Variants in NRG3 observed in about 807,000 individuals in gnomAD.
NRG3 encodes the protein neuregulin 3, also known as pro-neuregulin-3, membrane-bound isoform.
In NRG3, 31 loss-of-function variants were observed where a neutral mutation model predicts 66.9. That is an observed-to-expected ratio of 0.46 (90% CI 0.35 to 0.63). The LOEUF (loss-of-function observed/expected upper bound fraction) is 0.63, where lower values mean the gene tolerates loss of function less well. NRG3 is among the 20% of genes least tolerant of loss of function. The pLI is 0.00. For synonymous variants in NRG3, 393 were observed against 359.4 expected (o/e 1.09, Z -1.06); for missense variants, 910 against 878.9 (o/e 1.04, Z -0.45).
intron 2 of NRG3, among the ~76,000 whole-genome samples, chr10:82,575,928 G>C (rs532667965): frequency 9.7e-4 from 147 of 151,786 alleles, no homozygotes; most frequent in African/African-American, 3.5e-3. Context: ...ATGGATTTCT[G>C]GGTCTCCGTA....
intron 1 of NRG3, among the ~76,000 whole-genome samples, chr10:82,008,566 G>A (rs1002395874): frequency 1.3e-5 from 2 of 152,130 alleles, no homozygotes; most frequent in African/African-American, 4.8e-5. Flanking sequence ...CAAGGGGAGG[G>A]CAATGGATGT....
At chr10:81,999,088 C>T (rs1564725254) in intron 1 of NRG3, among the ~76,000 whole-genome samples, 1 of 152,208 alleles carries the variant, frequency 6.6e-6, no homozygotes, top group Non-Finnish European at 1.5e-5. Context: ...TAGGCGTGAG[C>T]CACGGTGCCT....
intron 2 of NRG3, among the ~76,000 whole-genome samples, chr10:82,642,860 A>G (rs2050676585): frequency 6.6e-6 from 1 of 151,978 alleles, no homozygotes; most frequent in Non-Finnish European, 1.5e-5. Context: ...AGGTGAAATA[A>G]TAGTGTGTTT....
chr10:82,601,904 C>CTA (rs897814420), intron 2 of NRG3, among the ~76,000 whole-genome samples: 10 of 144,432 alleles, frequency 6.9e-5, no homozygotes, highest in Admixed American at 2.1e-4. Flanking sequence ...ATATATATAA[C>CTA]TATATATATA....
intron 1 of NRG3, among the ~76,000 whole-genome samples, chr10:82,302,454 C>T (rs1364341315): frequency 1.3e-5 from 2 of 151,946 alleles, no homozygotes; most frequent in African/African-American, 4.8e-5. Flanking sequence ...TAATAGTATA[C>T]TTTGTATAAA....
At chr10:82,272,231 A>T (rs927431220) in intron 1 of NRG3, among the ~76,000 whole-genome samples, 1 of 152,042 alleles carries the variant, frequency 6.6e-6, no homozygotes. Context: ...CAAGAAAAAA[A>T]TGTGAATTCT....
At chr10:82,883,468 G>T (rs1201696135) in intron 4 of NRG3, among the ~76,000 whole-genome samples, 2 of 151,982 alleles carry the variant, frequency 1.3e-5, no homozygotes, top group African/African-American at 4.8e-5. Flanking sequence ...TAGAATTTGG[G>T]TACATTAATT....
In NRG3 at chr10:82,985,700, T is replaced by C. The variant is rs1434801905; in HGVS notation, c.*95T>C. The C allele has an allele frequency of 7.3e-7, 1 of 1,369,590 alleles. No homozygotes were observed. The highest frequency in any genetic ancestry group is 1.5e-5 in the African/African-American group (1 of 68,856). 84.8% of individuals were successfully genotyped at this position (1,369,590 alleles called of 1,614,324 possible). A position where few individuals can be genotyped will look rare whatever the true frequency, so the allele number is the denominator to read the frequency against. On this transcript the variant is annotated 3_prime_UTR_variant, in exon 9 of 9. Coordinates refer to ENST00000372141, the MANE Select transcript of NRG3 (RefSeq NM_001010848.4). ...ATTTATATGCATTAATTTAAGAGCATCTACTTAGAAGAAACCAAATAGTCT... is the reference window on the plus strand; with the variant it reads ...ATTTATATGCATTAATTTAAGAGCACCTACTTAGAAGAAACCAAATAGTCT...
intron 3 of NRG3, among the ~76,000 whole-genome samples, chr10:82,797,814 T>A (rs766905447): frequency 6.6e-6 from 1 of 152,162 alleles, no homozygotes; most frequent in African/African-American, 2.4e-5. Flanking sequence ...TAAACAAAAC[T>A]GTGAATGTGG....
chr10:82,647,400 A>G (rs926551881), intron 2 of NRG3, among the ~76,000 whole-genome samples: 9 of 152,222 alleles, frequency 5.9e-5, no homozygotes, highest in Non-Finnish European at 7.4e-5. Context: ...AATCCAGTCT[A>G]TCATTGTTGG....
At chr10:82,771,018 CT>C (rs1236617006) in intron 3 of NRG3, among the ~76,000 whole-genome samples, 2 of 152,094 alleles carry the variant, frequency 1.3e-5, no homozygotes, top group African/African-American at 4.8e-5. Flanking sequence ...TGGGACAAAG[CT>C]TTTTGAATTA....
intron 6 of NRG3, among the ~76,000 whole-genome samples, chr10:82,972,821 A>AT (rs201767963): frequency 0.018 from 2,806 of 151,910 alleles, 37 homozygotes; most frequent in Non-Finnish European, 0.031. Flanking sequence ...GATTAACTTG[A>AT]TTTTTTTTAT....
At chr10:82,372,883 C>T (rs1311242020) in intron 2 of NRG3, among the ~76,000 whole-genome samples, 1 of 152,202 alleles carries the variant, frequency 6.6e-6, no homozygotes, top group Non-Finnish European at 1.5e-5. Context: ...CATGCGCCAC[C>T]ACACCTGGCC....
chr10:82,418,386 G>A (rs149823990), intron 2 of NRG3, among the ~76,000 whole-genome samples: 38 of 145,718 alleles, frequency 2.6e-4, no homozygotes, highest in African/African-American at 9.2e-4. Context: ...AAATTAACCA[G>A]TTTATGCAAA....
At chr10:82,644,044 T>G (rs1395439140) in intron 2 of NRG3, among the ~76,000 whole-genome samples, 1 of 152,172 alleles carries the variant, frequency 6.6e-6, no homozygotes, top group African/African-American at 2.4e-5. Context: ...TAAGTCCTTT[T>G]GCTTTGGCTG....
chr10:82,200,585 T>C (rs1463820843), intron 1 of NRG3, among the ~76,000 whole-genome samples: 1 of 152,128 alleles, frequency 6.6e-6, no homozygotes, highest in African/African-American at 2.4e-5. Context: ...GGCAAATAAA[T>C]CAATGATGGG....
At chr10:82,668,286 A>C (rs1267919638) in intron 2 of NRG3, among the ~76,000 whole-genome samples, 3 of 152,252 alleles carry the variant, frequency 2.0e-5, no homozygotes, top group Non-Finnish European at 2.9e-5. Context: ...TCAGTACTAC[A>C]GAGAGCCAAT....
intron 1 of NRG3, among the ~76,000 whole-genome samples, chr10:81,962,784 T>G (rs78200820): frequency 6.6e-6 from 1 of 152,324 alleles, no homozygotes; most frequent in African/African-American, 2.4e-5. Flanking sequence ...TCCAACCTCC[T>G]TGGAGCTGGT....
intron 3 of NRG3, among the ~76,000 whole-genome samples, chr10:82,858,878 C>T (rs889833567): frequency 1.3e-5 from 2 of 151,696 alleles, no homozygotes; most frequent in Admixed American, 6.6e-5. Flanking sequence ...CTCCACATAC[C>T]TAGGAGGGAA....
Sources: allele counts gnomAD v4.1 joint callset (sites outside exome capture counted in the v4.1 genomes callset), GRCh38; gene constraint gnomAD v4.1.1; transcripts MANE v1.5; gene names NCBI Gene and HGNC (gene_info 2026-07-23, HGNC 2026-07-21).